RC3H1: variants seen among roughly 807,000 people sequenced by gnomAD.
RC3H1 encodes the protein ring finger and CCCH-type domains 1, also known as roquin-1.
In RC3H1, 50 loss-of-function variants were observed where a neutral mutation model predicts 138.2. The ratio of observed to expected loss-of-function variants is 0.36; its 90% CI spans 0.29 to 0.46. The LOEUF is 0.46. Among genes scored for constraint, RC3H1 ranks in the 20% least tolerant of loss-of-function variants. The probability of loss-of-function intolerance (pLI) is 1.00; values close to 1 mark genes in which losing one functional copy is unlikely to be tolerated. For missense variants in RC3H1, 1,031 were observed against 1,388.1 expected, an observed-to-expected ratio of 0.74 and a Z score of 4.09; for synonymous variants, 462 against 489.1, an observed-to-expected ratio of 0.94 and a Z score of 0.73.
chr1:174,000,333 T>C (rs773890076), intron 1 of RC3H1, among the ~76,000 whole-genome samples: 29 of 152,230 alleles, frequency 1.9e-4, no homozygotes, highest in Non-Finnish European at 3.8e-4. Flanking sequence ...ATCTCCTTTA[T>C]TATAGGTTCA....
intron 1 of RC3H1, among the ~76,000 whole-genome samples, chr1:174,008,894 T>C (rs1661700678): frequency 1.4e-5 from 2 of 140,126 alleles, no homozygotes; most frequent in Admixed American, 7.8e-5. Context: ...GGAGAATCAC[T>C]CAAACCCAGG....
At chr1:173,984,084 C>T (rs1240463369) in intron 3 of RC3H1, among the ~76,000 whole-genome samples, 1 of 152,202 alleles carries the variant, frequency 6.6e-6, no homozygotes, top group Non-Finnish European at 1.5e-5. Context: ...ATTCATTATA[C>T]CGCCTATAGC....
At chr1:173,975,274 T>C (rs1215765318) in intron 7 of RC3H1, among the ~76,000 whole-genome samples, 1 of 152,084 alleles carries the variant, frequency 6.6e-6, no homozygotes, top group Non-Finnish European at 1.5e-5. Context: ...TTTTGTATTT[T>C]TAGTAGAGAC....
chr1:173,984,447 G>T, intron 3 of RC3H1, 52 bp downstream of exon 3: 5 of 1,567,734 alleles, frequency 3.2e-6, no homozygotes, highest in East Asian at 2.2e-5. Flanking sequence ...TATGTACTGA[G>T]TATTTAAAAA....
chr1:173,997,825 A>G (rs1661491224), intron 1 of RC3H1, among the ~76,000 whole-genome samples: 1 of 152,186 alleles, frequency 6.6e-6, no homozygotes, highest in African/African-American at 2.4e-5. Flanking sequence ...TTCAGGACTT[A>G]AAAAATCACA....
rs575325681 is a variant in RC3H1, at chr1:173,978,180, G to T, written c.1102+308C>A. On this transcript the variant is annotated intron_variant, in intron 7 of 19. Coordinates refer to ENST00000367696, the MANE Select transcript of RC3H1 (RefSeq NM_172071.4). ...AAAAAAATGAGAAAAACGAGATTTG[G>T]AAGAGGTAAGAATGGTAAAATACAA... Among the ~76,000 whole-genome samples, 22 of 152,242 alleles carry T rather than the reference G, an allele frequency of 1.4e-4. No individual in the cohort carries two copies. The South Asian group carries it at 4.1e-3, about 29-fold the overall frequency.
intron 1 of RC3H1, among the ~76,000 whole-genome samples, chr1:174,005,782 T>C (rs1245018542): frequency 2.0e-5 from 3 of 152,230 alleles, no homozygotes; most frequent in African/African-American, 7.2e-5. Context: ...CAGCTCAACA[T>C]ACTTAAGCTG....
At chr1:174,001,955 G>A (rs1348519296) in intron 1 of RC3H1, among the ~76,000 whole-genome samples, 7 of 151,896 alleles carry the variant, frequency 4.6e-5, no homozygotes, top group African/African-American at 1.7e-4. Context: ...TATACATTGA[G>A]CATTCCAGTT....
chr1:173,967,674 C>T (rs1660180662), intron 9 of RC3H1, among the ~76,000 whole-genome samples: 1 of 152,180 alleles, frequency 6.6e-6, no homozygotes. Flanking sequence ...CCTCTCCTTC[C>T]TACAGACTTG....
At chr1:174,021,222 C>T (rs1289413642) in intron 1 of RC3H1, among the ~76,000 whole-genome samples, 1 of 152,156 alleles carries the variant, frequency 6.6e-6, no homozygotes, top group African/African-American at 2.4e-5. Context: ...AAACGCCTAG[C>T]TGGAATAAAA....
At chr1:173,941,585 T>C in intron 18 of RC3H1, 2 of 447,964 alleles carry the variant, frequency 4.5e-6, no homozygotes. Context: ...AGCTGGACAA[T>C]AAGACAGACA....
At chr1:173,996,533 T>C (rs1302800965) in intron 1 of RC3H1, among the ~76,000 whole-genome samples, 1 of 152,118 alleles carries the variant, frequency 6.6e-6, no homozygotes, top group Non-Finnish European at 1.5e-5. Context: ...CTGTGTAGAA[T>C]GCAGTCACCT....
chr1:173,946,754 G>C lies in RC3H1; in HGVS notation c.2820C>G (p.Phe940Leu). The C allele has an allele frequency of 6.2e-7, 1 of 1,613,374 alleles. No individual in the cohort carries two copies. Among genetic ancestry groups the C allele is most frequent in the South Asian group, 1.1e-5 (1 of 91,058 alleles). ...PHQNIPSQGH[F>L]SERERISMSE... ...AAAAGAATGACTCATACCTCTCACT[G>C]AAGTGTCCCTGAGAAGGTATGTTTT... Residue 940 changes from phenylalanine to leucine, a missense_variant, in exon 16 of 20, where the codon TTC (phenylalanine) becomes TTG (leucine). Phe to Leu is a conservative substitution (Grantham distance 22). Around this residue, in one of 7 missense-constraint regions of RC3H1, gnomAD observed 716 missense variants for 837.9 expected, o/e 0.85. Coordinates refer to ENST00000367696, the MANE Select transcript of RC3H1 (RefSeq NM_172071.4).
In RC3H1 at chr1:173,946,559, A is replaced by C; in HGVS notation, c.2878T>G (p.Ser960Ala). The C allele has an allele frequency of 6.2e-7, 1 of 1,614,098 alleles. No individual in the cohort carries two copies. Among genetic ancestry groups the C allele is most frequent in the Non-Finnish European group, 8.5e-7 (1 of 1,179,990 alleles). The change falls in exon 17 of 20, where the codon TCT becomes GCT. Residue 960 changes from serine (S) to alanine (A), a missense_variant. Ser to Ala is a moderately conservative substitution (Grantham distance 99, BLOSUM62 1). Around this residue, in one of 7 missense-constraint regions of RC3H1, gnomAD observed 716 missense variants for 837.9 expected, o/e 0.85. Coordinates refer to ENST00000367696, the MANE Select transcript of RC3H1 (RefSeq NM_172071.4). ...AGTCGTAGCTGTTCTCTCTCAGCAGATGGAAGGGGTTTTCCATGACTGGCC... is the reference window on the plus strand; with the variant it reads ...AGTCGTAGCTGTTCTCTCTCAGCAGCTGGAAGGGGTTTTCCATGACTGGCC... ...EVASHGKPLP[S>A]AEREQLRLEL...
chr1:173,941,611 A>G (rs1219520070), intron 18 of RC3H1, among the ~76,000 whole-genome samples: 1 of 152,150 alleles, frequency 6.6e-6, no homozygotes, highest in South Asian at 2.1e-4. Context: ...TCAAGCTAAC[A>G]TGAAAAAAAA....
chr1:173,951,249 T>C (rs964079929), intron 14 of RC3H1, among the ~76,000 whole-genome samples: 5 of 152,024 alleles, frequency 3.3e-5, no homozygotes, highest in African/African-American at 1.2e-4. Flanking sequence ...CACTTGAACC[T>C]GGGAAGTGGA....
chr1:173,989,743 G>T (rs1447435540), intron 2 of RC3H1, among the ~76,000 whole-genome samples: 1 of 122,534 alleles, frequency 8.2e-6, no homozygotes, highest in South Asian at 2.6e-4. Flanking sequence ...TTTTTGAGAC[G>T]GAGTCTCGCT....
intron 14 of RC3H1, among the ~76,000 whole-genome samples, chr1:173,949,795 C>G (rs1364881611): frequency 1.3e-5 from 2 of 152,008 alleles, no homozygotes; most frequent in Admixed American, 1.3e-4. Context: ...TCCACCAATA[C>G]AAAAAATAAT....
At chr1:173,944,616 G>A (rs1449449777) in intron 17 of RC3H1, among the ~76,000 whole-genome samples, 1 of 152,148 alleles carries the variant, frequency 6.6e-6, no homozygotes, top group Non-Finnish European at 1.5e-5. Flanking sequence ...AAGATATGGA[G>A]TAATGCCTTA....
Sources: gnomAD v4.1 joint callset for allele counts (sites outside exome capture counted in the v4.1 genomes callset) on GRCh38, gnomAD v4.1.1 for gene constraint, gnomAD v4.1.1 regional missense constraint, MANE v1.5 for transcripts, NCBI Gene and HGNC (gene_info 2026-07-23, HGNC 2026-07-21) for gene names.